ADAMTSL1: variants seen among roughly 807,000 people sequenced by gnomAD.
The protein encoded by ADAMTSL1 is ADAMTS like 1, also known as ADAMTS-like protein 1.
In ADAMTSL1, 126 loss-of-function variants were observed where a neutral mutation model predicts 201.8. The observed-to-expected ratio is 0.62, with a 90% confidence interval of 0.54 to 0.72. The LOEUF (loss-of-function observed/expected upper bound fraction) is 0.72, where lower values mean the gene tolerates loss of function less well. Among genes scored for constraint, ADAMTSL1 ranks in the 30% least tolerant of loss-of-function variants. ADAMTSL1 has a pLI of 0.00. For missense variants in ADAMTSL1, 2,679 were observed against 2,277.8 expected (o/e 1.18, Z -3.59); for synonymous variants, 1,121 against 903.4 (o/e 1.24, Z -4.32).
At chr9:17,982,761 C>G (rs1280736401) in intron 1 of ADAMTSL1, among the ~76,000 whole-genome samples, 1 of 152,058 alleles carries the variant, frequency 6.6e-6, no homozygotes, top group African/African-American at 2.4e-5. Flanking sequence ...AGGGAATCAC[C>G]TGTCTGAGTT....
At chr9:18,184,297 C>G (rs1451606324) in intron 2 of ADAMTSL1, among the ~76,000 whole-genome samples, 2 of 152,176 alleles carry the variant, frequency 1.3e-5, no homozygotes, top group Non-Finnish European at 2.9e-5. Flanking sequence ...AGCTGAACTT[C>G]TCGTGCCTGG....
chr9:18,001,562 G>T (rs376387801), intron 1 of ADAMTSL1, among the ~76,000 whole-genome samples: 30 of 152,064 alleles, frequency 2.0e-4, no homozygotes, highest in Admixed American at 1.8e-3. Flanking sequence ...TTCAAAGAAG[G>T]TTTCCAGGAA....
rs1257192011 is a variant in ADAMTSL1 at position 18,290,422 on chromosome 9, T to C, written c.207+126441T>C. Among the ~76,000 whole-genome samples, 3 of 152,192 alleles carry C rather than the reference T, an allele frequency of 2.0e-5. 1 individual carries two copies. Among genetic ancestry groups the C allele is most frequent in the Non-Finnish European group, 1.5e-5 (1 of 68,014 alleles). The stretch of plus-strand genomic sequence containing the variant: ...CAATGTGAGTTCACCATAGATCACA[T>C]GGACACCAAAGAATGTGGCTGGGGT... On this transcript the variant is annotated intron_variant, in intron 2 of 29. Coordinates refer to the ADAMTSL1 transcript ENST00000680146.
chr9:18,210,448 T>C (rs1829821584), intron 2 of ADAMTSL1, among the ~76,000 whole-genome samples: 1 of 146,904 alleles, frequency 6.8e-6, no homozygotes, highest in Admixed American at 6.9e-5. Flanking sequence ...GTATGATATA[T>C]TAATAAATAT....
rs71333072 is a variant in ADAMTSL1, at chr9:18,904,633, CAA to C, written c.4852-1111_4852-1110del. ...TGGGCAACAGAAAGAGACCCTGCCT[CAA>C]AAAAAAAAAAAAAAAAAAAAAAAAA... On this transcript the variant is annotated intron_variant, in intron 26 of 28. Coordinates refer to ENST00000380548, the MANE Select transcript of ADAMTSL1 (RefSeq NM_001040272.6). Among the ~76,000 whole-genome samples the C allele has an allele frequency of 2.0e-3, 30 of 14,998 alleles. 3 individuals carry two copies. The highest frequency in any genetic ancestry group is 3.9e-3 in the African/African-American group (18 of 4,636). 9.8% of individuals were successfully genotyped at this position (14,998 alleles called of 152,430 possible). A position where few individuals can be genotyped will look rare whatever the true frequency, so the allele number is the denominator to read the frequency against.
intron 3 of ADAMTSL1, among the ~76,000 whole-genome samples, chr9:18,562,423 G>C (rs1359249953): frequency 6.6e-6 from 1 of 152,168 alleles, no homozygotes; most frequent in African/African-American, 2.4e-5. Context: ...GTCAGTACCC[G>C]ACCTTTCTCT....
intron 2 of ADAMTSL1, among the ~76,000 whole-genome samples, chr9:18,220,929 C>G (rs1830234473): frequency 6.6e-6 from 1 of 151,946 alleles, no homozygotes; most frequent in African/African-American, 2.4e-5. Context: ...CCTCTGCCAC[C>G]AAGCCCAGCT....
intron 2 of ADAMTSL1, 92 bp downstream of exon 2, chr9:18,505,048 G>T: frequency 7.0e-7 from 1 of 1,435,744 alleles, no homozygotes; most frequent in African/African-American, 1.5e-5. Flanking sequence ...AGAACATTTT[G>T]TGGCTTACAG....
At chr9:18,524,405 C>G (rs867632141) in intron 2 of ADAMTSL1, among the ~76,000 whole-genome samples, 2,703 of 152,244 alleles carry the variant, frequency 0.018, 62 homozygotes, top group African/African-American at 0.057. Context: ...ATTTGACTTC[C>G]TCTTTTCCTA....
At chr9:18,291,024 G>T (rs547540132) in intron 2 of ADAMTSL1, among the ~76,000 whole-genome samples, 12 of 151,860 alleles carry the variant, frequency 7.9e-5, no homozygotes, top group Non-Finnish European at 1.5e-5. Context: ...CTTGTGATCC[G>T]CCCACCTCAG....
rs867898953 is a variant in ADAMTSL1 at position 18,091,002 on chromosome 9, C to T, written c.88-72860C>T. Reference sequence around the variant, plus strand: ...CAGGTTCTCCTCAATGGTACCTTCTCCATTAAGCTTTTCTCTCCAACTTGA... The same window carrying T: ...CAGGTTCTCCTCAATGGTACCTTCTTCATTAAGCTTTTCTCTCCAACTTGA... On this transcript the variant is annotated intron_variant, in intron 1 of 29. Transcript: ENST00000680146. Among the ~76,000 whole-genome samples the T allele has an allele frequency of 8.0e-4, 122 of 152,080 alleles. 1 individual carries two copies. The highest frequency in any genetic ancestry group is 2.7e-3 in the African/African-American group (113 of 41,480).
intron 2 of ADAMTSL1, among the ~76,000 whole-genome samples, chr9:18,241,673 A>T (rs1160896552): frequency 1.3e-5 from 2 of 152,176 alleles, no homozygotes; most frequent in African/African-American, 4.8e-5. Flanking sequence ...TGAAATCAAA[A>T]ATGAAAGTGA....
At chr9:17,970,440 A>C (rs1222151018) in intron 1 of ADAMTSL1, among the ~76,000 whole-genome samples, 1 of 151,932 alleles carries the variant, frequency 6.6e-6, no homozygotes, top group Non-Finnish European at 1.5e-5. Context: ...AAATAGAAGC[A>C]CTTGGGTGTG....
intron 2 of ADAMTSL1, among the ~76,000 whole-genome samples, chr9:18,525,434 C>G (rs1045369932): frequency 6.6e-6 from 1 of 152,086 alleles, no homozygotes; most frequent in African/African-American, 2.4e-5. Flanking sequence ...TTTTGTGTGT[C>G]TATCTCTTTC....
At chr9:18,088,437 A>G (rs988177231) in intron 1 of ADAMTSL1, among the ~76,000 whole-genome samples, 2 of 152,216 alleles carry the variant, frequency 1.3e-5, no homozygotes, top group Non-Finnish European at 2.9e-5. Flanking sequence ...AGCAAAGGAA[A>G]CAATCAACAT....
At chr9:18,608,832 A>G (rs886183427) in intron 4 of ADAMTSL1, among the ~76,000 whole-genome samples, 1 of 152,214 alleles carries the variant, frequency 6.6e-6, no homozygotes, top group Non-Finnish European at 1.5e-5. Flanking sequence ...ATAAGAATTT[A>G]AATTCCCAAC....
chr9:18,649,971 TTGTC>T (rs1234665758), intron 7 of ADAMTSL1, among the ~76,000 whole-genome samples: 1 of 152,162 alleles, frequency 6.6e-6, no homozygotes, highest in Non-Finnish European at 1.5e-5. Context: ...GTCTTTTTGT[TTGTC>T]TGTGCCCTGC....
intron 2 of ADAMTSL1, among the ~76,000 whole-genome samples, chr9:18,313,622 A>G (rs925023825): frequency 1.3e-5 from 2 of 152,192 alleles, no homozygotes; most frequent in African/African-American, 4.8e-5. Flanking sequence ...ATGCAAAAGA[A>G]TAAAATTGGG....
Position 18,158,196 on chromosome 9 carries a change from C to T in ADAMTSL1, c.88-5666C>T, listed in dbSNP as rs958596889. Among the ~76,000 whole-genome samples the T allele has an allele frequency of 2.0e-5, 3 of 151,994 alleles. No individual in the cohort carries two copies. In the South Asian group the frequency reaches 6.2e-4, roughly 32 times the overall value. Reference sequence around the variant, plus strand: ...GTTGTTGATACTCATGTTTGATAAGCTGATTGAGCCTCTTCTGATTGGCAA... The same window carrying T: ...GTTGTTGATACTCATGTTTGATAAGTTGATTGAGCCTCTTCTGATTGGCAA... On this transcript the variant is annotated intron_variant, in intron 1 of 29. Coordinates refer to the ADAMTSL1 transcript ENST00000680146.
Sources: gnomAD v4.1 joint callset for allele counts (sites outside exome capture counted in the v4.1 genomes callset) on GRCh38, gnomAD v4.1.1 for gene constraint, MANE v1.5 for transcripts, NCBI Gene and HGNC (gene_info 2026-07-23, HGNC 2026-07-21) for gene names.